Variants in PDE4D observed in about 807,000 individuals in gnomAD.
PDE4D encodes the protein phosphodiesterase 4D, also known as 3',5'-cyclic-AMP phosphodiesterase 4D.
PDE4D carries 24 observed loss-of-function variants against 87.4 expected under a neutral mutation model. The ratio of observed to expected loss-of-function variants is 0.27; its 90% CI spans 0.20 to 0.39. PDE4D has a LOEUF of 0.39. Ranked by LOEUF, PDE4D falls within the 10% of genes least tolerant of loss-of-function variation. The probability of loss-of-function intolerance (pLI) is 1.00; values close to 1 mark genes in which losing one functional copy is unlikely to be tolerated. For synonymous variants in PDE4D, 384 were observed against 383.2 expected (o/e 1.00, Z -0.02); for missense variants, 714 against 1,041.0 (o/e 0.69, Z 4.32).
intron 1 of PDE4D, among the ~76,000 whole-genome samples, chr5:59,722,507 C>T (rs764627088): frequency 5.0e-4 from 76 of 152,122 alleles, no homozygotes; most frequent in Non-Finnish European, 9.9e-4. Flanking sequence ...TTCCCAACTT[C>T]TGCCATTTCT....
At chr5:59,712,723 A>G (rs1008752881) in intron 1 of PDE4D, among the ~76,000 whole-genome samples, 1 of 151,960 alleles carries the variant, frequency 6.6e-6, no homozygotes, top group African/African-American at 2.4e-5. Flanking sequence ...CCAAACACAA[A>G]ATTAATTTCA....
intron 5 of PDE4D, among the ~76,000 whole-genome samples, chr5:59,137,069 C>T: frequency 6.6e-6 from 1 of 152,142 alleles, no homozygotes; most frequent in East Asian, 1.9e-4. Flanking sequence ...AAGCATGAAC[C>T]GTAGACACAA....
chr5:59,639,052 A>G (rs1214578083), intron 1 of PDE4D, among the ~76,000 whole-genome samples: 1 of 152,122 alleles, frequency 6.6e-6, no homozygotes, highest in Non-Finnish European at 1.5e-5. Context: ...AAATTCCATT[A>G]CCTAGAAATA....
At chr5:59,493,564 A>G (rs922486144) in intron 1 of PDE4D, among the ~76,000 whole-genome samples, 2 of 152,234 alleles carry the variant, frequency 1.3e-5, no homozygotes, top group East Asian at 3.8e-4. Flanking sequence ...TGCCTATTAA[A>G]TAACCAGAAT....
intron 1 of PDE4D, among the ~76,000 whole-genome samples, chr5:59,555,699 T>G (rs1331566280): frequency 6.6e-6 from 1 of 152,120 alleles, no homozygotes; most frequent in Non-Finnish European, 1.5e-5. Context: ...TCTAGTTAAC[T>G]TCTTTCATTC....
chr5:60,041,767 G>A (rs1359083875), intron 2 of PDE4D, among the ~76,000 whole-genome samples: 2 of 152,106 alleles, frequency 1.3e-5, no homozygotes, highest in South Asian at 2.1e-4. Flanking sequence ...GGTGCATTCC[G>A]GCCCAGATAC....
intron 2 of PDE4D, among the ~76,000 whole-genome samples, chr5:59,207,013 T>C (rs976686444): frequency 6.6e-6 from 1 of 151,960 alleles, no homozygotes; most frequent in Non-Finnish European, 1.5e-5. Context: ...CAAGACCTCA[T>C]TTCTGCTAAA....
At chr5:59,609,902 T>C (rs1828765528) in intron 1 of PDE4D, among the ~76,000 whole-genome samples, 1 of 152,096 alleles carries the variant, frequency 6.6e-6, no homozygotes, top group Non-Finnish European at 1.5e-5. Context: ...AAGAGTTGTG[T>C]GGAGAACTGA....
At chr5:59,347,121 C>A (rs1354944004) in intron 1 of PDE4D, among the ~76,000 whole-genome samples, 1 of 152,168 alleles carries the variant, frequency 6.6e-6, no homozygotes, top group Non-Finnish European at 1.5e-5. Context: ...GATGGGAACA[C>A]AAATCTGATT....
intron 1 of PDE4D, among the ~76,000 whole-genome samples, chr5:60,311,180 C>A (rs1755001886): frequency 6.7e-6 from 1 of 148,424 alleles, no homozygotes. Context: ...CCACGCCTGG[C>A]TAATTTTGTA....
intron 1 of PDE4D, among the ~76,000 whole-genome samples, chr5:59,764,579 A>AT (rs1190323109): frequency 6.6e-6 from 1 of 151,920 alleles, no homozygotes; most frequent in African/African-American, 2.4e-5. Flanking sequence ...AGAAGTCTAG[A>AT]TAAAAACTAC....
chr5:59,982,367 T>C (rs1423721792), intron 3 of PDE4D, among the ~76,000 whole-genome samples: 1 of 152,114 alleles, frequency 6.6e-6, no homozygotes, highest in Non-Finnish European at 1.5e-5. Context: ...CAATGAAATG[T>C]AAGTAGAGAG....
At chr5:59,234,574 T>C (rs1001390298) in intron 1 of PDE4D, among the ~76,000 whole-genome samples, 6 of 152,200 alleles carry the variant, frequency 3.9e-5, no homozygotes, top group Admixed American at 3.9e-4. Context: ...TACTATACTG[T>C]ACCATGACAG....
At chr5:60,451,845 A>G (rs1319703191) in intron 1 of PDE4D, among the ~76,000 whole-genome samples, 2 of 152,094 alleles carry the variant, frequency 1.3e-5, no homozygotes, top group African/African-American at 4.8e-5. Flanking sequence ...CAGGATCTTT[A>G]CTGACCAGAA....
chr5:59,696,260 A>G (rs1751760482), intron 1 of PDE4D, among the ~76,000 whole-genome samples: 1 of 152,168 alleles, frequency 6.6e-6, no homozygotes, highest in Non-Finnish European at 1.5e-5. Flanking sequence ...AACTCAGGCC[A>G]TTTTTCCAGA....
Position 59,204,836 on chromosome 5 carries a change from TCAACTAGTG to T in PDE4D, c.647+10932_647+10940del, listed in dbSNP as rs907914881. Among the ~76,000 whole-genome samples, 31 of 152,326 alleles carry T rather than the reference TCAACTAGTG, an allele frequency of 2.0e-4. No homozygotes were observed. In the South Asian group the frequency reaches 6.2e-3, roughly 31 times the overall value. On this transcript the variant is annotated intron_variant, in intron 2 of 14. Transcript: ENST00000340635. ...GGGATCCTAGGGAAAAGATTTTTGGTCAACTAGTGCAACAATTTTAAAGGTCTGCATGTG... is the reference window on the plus strand; with the variant it reads ...GGGATCCTAGGGAAAAGATTTTTGGTCAACAATTTTAAAGGTCTGCATGTG...
At chr5:59,575,104 G>A (rs1255756337) in intron 1 of PDE4D, among the ~76,000 whole-genome samples, 2 of 152,158 alleles carry the variant, frequency 1.3e-5, no homozygotes, top group Non-Finnish European at 2.9e-5. Flanking sequence ...ATGAGGCAGA[G>A]CTTTATGCTG....
chr5:59,426,001 C>G (rs966519220), intron 1 of PDE4D, among the ~76,000 whole-genome samples: 7 of 152,080 alleles, frequency 4.6e-5, no homozygotes, highest in Non-Finnish European at 1.0e-4. Flanking sequence ...TTAAATAAGC[C>G]TTTAGGGTGG....
chr5:59,339,139 C>T (rs191373458), intron 1 of PDE4D, among the ~76,000 whole-genome samples: 3 of 152,276 alleles, frequency 2.0e-5, no homozygotes, highest in African/African-American at 7.2e-5. Context: ...TGAGCAGCCT[C>T]GCTACAGATT....
Sources: gnomAD v4.1 joint callset for allele counts (sites outside exome capture counted in the v4.1 genomes callset) on GRCh38, gnomAD v4.1.1 for gene constraint, MANE v1.5 for transcripts, NCBI Gene and HGNC (gene_info 2026-07-23, HGNC 2026-07-21) for gene names.